Variants in GPATCH2 observed in about 807,000 individuals in gnomAD.
The protein encoded by GPATCH2 is G-patch domain containing 2, also known as G patch domain-containing protein 2.
GPATCH2 carries 51 observed loss-of-function variants against 58.0 expected under a neutral mutation model. The ratio of observed to expected loss-of-function variants is 0.88; its 90% CI spans 0.70 to 1.11. The LOEUF is 1.11. Among genes scored for constraint, GPATCH2 ranks in the 50% most tolerant of loss-of-function variants. The pLI is 0.00. For missense variants in GPATCH2, 625 were observed against 652.2 expected (o/e 0.96, Z 0.45); for synonymous variants, 222 against 218.5 (o/e 1.02, Z -0.14).
At chr1:217,593,198 CAA>C (rs1667670613) in intron 5 of GPATCH2, among the ~76,000 whole-genome samples, 1 of 151,838 alleles carries the variant, frequency 6.6e-6, no homozygotes, top group East Asian at 1.9e-4. Context: ...TACAATGAAT[CAA>C]AAGAGAAAAC....
chr1:217,434,361 A>G (rs1304022998), intron 9 of GPATCH2, among the ~76,000 whole-genome samples: 4 of 152,248 alleles, frequency 2.6e-5, no homozygotes, highest in African/African-American at 9.6e-5. Flanking sequence ...AATGTTTAAT[A>G]TAACAAAAAA....
chr1:217,583,987 T>C (rs1667200173), intron 5 of GPATCH2, among the ~76,000 whole-genome samples: 1 of 152,024 alleles, frequency 6.6e-6, no homozygotes, highest in Admixed American at 6.6e-5. Flanking sequence ...AATTATCTGT[T>C]TTAGATTTTC....
At chr1:217,554,832 T>C (rs999847262) in intron 5 of GPATCH2, among the ~76,000 whole-genome samples, 3 of 152,236 alleles carry the variant, frequency 2.0e-5, no homozygotes, top group African/African-American at 7.2e-5. Context: ...TATTTTCAAA[T>C]TGTCTTTTCT....
At position 217,428,320 on chromosome 1, in the gene GPATCH2, A is replaced by G. The variant is rs1658400831; in HGVS notation, c.*2825T>C. The G allele has an allele frequency of 6.6e-6, 1 of 152,204 alleles. No individual in the cohort carries two copies. Among genetic ancestry groups the G allele is most frequent in the Admixed American group, 6.5e-5 (1 of 15,278 alleles). The allele number at this position is 152,204 out of a possible 1,614,324, so 9.4% of individuals were successfully genotyped here. On this transcript the variant is annotated 3_prime_UTR_variant, in exon 10 of 10. Transcript: ENST00000366935. ...GTGGCTTCACAAAACAGCAGAAGAA[A>G]TATCTTACTACCTTTTAGAGGAAAT... is the stretch of plus-strand genomic sequence containing the variant.
chr1:217,477,627 G>C (rs1186240278), intron 8 of GPATCH2, among the ~76,000 whole-genome samples: 2 of 152,136 alleles, frequency 1.3e-5, no homozygotes, highest in Non-Finnish European at 2.9e-5. Flanking sequence ...CATGGGGTGA[G>C]GATCCTCTGC....
At chr1:217,571,677 C>T (rs1219459881) in intron 5 of GPATCH2, among the ~76,000 whole-genome samples, 11 of 141,362 alleles carry the variant, frequency 7.8e-5, no homozygotes, top group East Asian at 2.1e-4. Flanking sequence ...TACAAAAATT[C>T]GCCCAGCGAA....
rs537670967 is a variant in GPATCH2 at position 217,530,226 on chromosome 1, G to C, written c.1099-15337C>G. On this transcript the variant is annotated intron_variant, in intron 5 of 9. Coordinates refer to ENST00000366935, the MANE Select transcript of GPATCH2 (RefSeq NM_018040.5). ...CAGTATAAAGTAGTTCTTAATAATG[G>C]AAGAGCACAGAGATGAAAACTGGGC... 2.0e-5 allele frequency among the ~76,000 whole-genome samples: 3 copies of C among 152,218 alleles called. No homozygotes were observed. In the South Asian group the frequency reaches 6.2e-4, roughly 32 times the overall value.
chr1:217,540,136 A>G (rs1010122364), intron 5 of GPATCH2, among the ~76,000 whole-genome samples: 1 of 152,236 alleles, frequency 6.6e-6, no homozygotes, highest in African/African-American at 2.4e-5. Context: ...GTTCAATTTT[A>G]TAACTGATAA....
chr1:217,553,720 G>A (rs1029015907), intron 5 of GPATCH2, among the ~76,000 whole-genome samples: 2 of 152,130 alleles, frequency 1.3e-5, no homozygotes, highest in South Asian at 2.1e-4. Context: ...TCAAGGTTTC[G>A]ATTGTGAGTC....
rs143332397 is a variant in GPATCH2, at chr1:217,526,474, C to T, written c.1099-11585G>A. 6.1e-3 allele frequency among the ~76,000 whole-genome samples: 933 copies of T among 152,060 alleles called. 6 individuals are homozygous for T. The highest frequency in any genetic ancestry group is 0.013 in the African/African-American group (529 of 41,490). On this transcript the variant is annotated intron_variant, in intron 5 of 9. Transcript: ENST00000366935. ...ACAACATATTGCAAACTATTCTTTG[C>T]GGTATGAATAAATGAGTGAATGAGT... is the stretch of plus-strand genomic sequence containing the variant.
chr1:217,596,119 A>G (rs1667816517), intron 5 of GPATCH2, among the ~76,000 whole-genome samples: 1 of 152,166 alleles, frequency 6.6e-6, no homozygotes, highest in African/African-American at 2.4e-5. Context: ...GGAAGGATGA[A>G]GAGTATCTTT....
At chr1:217,563,468 C>G (rs2102697101) in intron 5 of GPATCH2, among the ~76,000 whole-genome samples, 1 of 152,014 alleles carries the variant, frequency 6.6e-6, no homozygotes. Context: ...CAGAAAAAAC[C>G]TAGAGGTTAA....
chr1:217,580,576 A>C (rs1415399490), intron 5 of GPATCH2, among the ~76,000 whole-genome samples: 1 of 152,166 alleles, frequency 6.6e-6, no homozygotes, highest in Non-Finnish European at 1.5e-5. Flanking sequence ...TTTCTTTATA[A>C]TTAGTGTACA....
chr1:217,463,287 G>C (rs1228831439), intron 8 of GPATCH2, among the ~76,000 whole-genome samples: 3 of 152,102 alleles, frequency 2.0e-5, no homozygotes, highest in African/African-American at 7.2e-5. Flanking sequence ...AGTTTCTCAA[G>C]CTGATTTCCC....
chr1:217,623,716 A>T (rs1669314038), intron 1 of GPATCH2, among the ~76,000 whole-genome samples: 1 of 152,064 alleles, frequency 6.6e-6, no homozygotes, highest in South Asian at 2.1e-4. Context: ...AGCTTGGCCA[A>T]CATGGTGAAA....
At chr1:217,525,588 GCT>G (rs1187611234) in intron 5 of GPATCH2, among the ~76,000 whole-genome samples, 1 of 152,058 alleles carries the variant, frequency 6.6e-6, no homozygotes, top group Non-Finnish European at 1.5e-5. Context: ...TCTCCTTGTT[GCT>G]TAGGTTATAT....
intron 2 of GPATCH2, among the ~76,000 whole-genome samples, chr1:217,618,803 T>TA: frequency 6.6e-6 from 1 of 151,834 alleles, no homozygotes. Flanking sequence ...CTACTAAAAA[T>TA]ACAAAAAAAA....
intron 5 of GPATCH2, among the ~76,000 whole-genome samples, chr1:217,602,985 G>A (rs1035283785): frequency 4.6e-5 from 7 of 152,038 alleles, no homozygotes; most frequent in Non-Finnish European, 8.8e-5. Context: ...ATTTTGGCTT[G>A]TCAAAGGAAG....
At chr1:217,447,068 G>A (rs915886160) in intron 9 of GPATCH2, among the ~76,000 whole-genome samples, 1 of 152,148 alleles carries the variant, frequency 6.6e-6, no homozygotes, top group Non-Finnish European at 1.5e-5. Flanking sequence ...AAAATTCAGG[G>A]ACCATTCAAC....
Sources: gnomAD v4.1 joint callset for allele counts (sites outside exome capture counted in the v4.1 genomes callset) on GRCh38, gnomAD v4.1.1 for gene constraint, MANE v1.5 for transcripts, NCBI Gene and HGNC (gene_info 2026-07-23, HGNC 2026-07-21) for gene names.